The following KIF6 variants were observed in gnomAD, a reference collection of about 807,000 sequenced individuals.
KIF6 encodes the protein kinesin family member 6.
KIF6 carries 106 observed loss-of-function variants against 112.7 expected under a neutral mutation model. The ratio of observed to expected loss-of-function variants is 0.94; its 90% CI spans 0.80 to 1.11. The LOEUF (loss-of-function observed/expected upper bound fraction) is 1.11, where lower values mean the gene tolerates loss of function less well. Ranked by LOEUF, KIF6 falls within the 50% of genes least tolerant of loss-of-function variation. KIF6 has a pLI of 0.00. For missense variants in KIF6, 929 were observed against 964.0 expected, an observed-to-expected ratio of 0.96 and a Z score of 0.48; for synonymous variants, 339 against 339.9, an observed-to-expected ratio of 1.00 and a Z score of 0.03.
chr6:39,641,549 C>T (rs2199172), intron 3 of KIF6, among the ~76,000 whole-genome samples: 47,741 of 151,586 alleles, frequency 0.31, 7,980 homozygotes, highest in South Asian at 0.51. Flanking sequence ...TGTTAAATAA[C>T]GAGTTAATGG....
At position 39,360,542 on chromosome 6, in the gene KIF6, T is replaced by C; in HGVS notation, c.1947-12A>G. On this transcript the variant is annotated splice_polypyrimidine_tract_variant and intron_variant, in intron 17 of 22. Transcript: ENST00000287152. ...ACATTGTTTTATACCTGCGGTGGAA[T>C]CGGGGAAGAGTCAGGGCACTGCTGT... is the stretch of plus-strand genomic sequence containing the variant. 6.2e-7 allele frequency: 1 copy of C among 1,614,152 alleles called. No homozygotes were observed. Among genetic ancestry groups the C allele is most frequent in the Non-Finnish European group, 8.5e-7 (1 of 1,180,008 alleles).
chr6:39,454,672 G>T (rs1055587385), intron 13 of KIF6, among the ~76,000 whole-genome samples: 1 of 152,186 alleles, frequency 6.6e-6, no homozygotes, highest in African/African-American at 2.4e-5. Context: ...CACACCGTGC[G>T]CGAGCCGAAG....
At chr6:39,346,078 CTCTCTCT>C (rs1562112784) in intron 20 of KIF6, among the ~76,000 whole-genome samples, 12 of 21,152 alleles carry the variant, frequency 5.7e-4, no homozygotes, top group Non-Finnish European at 8.5e-4. Flanking sequence ...CTCTCTCTCT[CTCTCTCT>C]CCCCCCCCTC....
intron 14 of KIF6, 53 bp from the exon 15 acceptor site, chr6:39,420,056 T>C: frequency 1.6e-6 from 2 of 1,285,274 alleles, no homozygotes; most frequent in Non-Finnish European, 2.3e-6. Flanking sequence ...CTACAAGATG[T>C]TTTAAAAATA....
intron 13 of KIF6, among the ~76,000 whole-genome samples, chr6:39,499,940 C>G (rs1160979495): frequency 3.9e-5 from 6 of 152,180 alleles, no homozygotes; most frequent in Non-Finnish European, 8.8e-5. Flanking sequence ...AAGCAATGTA[C>G]TGTGGTCCCT....
In KIF6 at chr6:39,633,346, T is replaced by C. The variant is rs139650125; in HGVS notation, c.509+1503A>G. ...CCCTTAAGAGAGGTAACATAATATATAGAAAAAAAAGTACTTGATGAGAAG... is the reference window on the plus strand; with the variant it reads ...CCCTTAAGAGAGGTAACATAATATACAGAAAAAAAAGTACTTGATGAGAAG... On this transcript the variant is annotated intron_variant, in intron 5 of 22. Transcript: ENST00000287152. Among the ~76,000 whole-genome samples the C allele has an allele frequency of 2.6e-3, 399 of 152,096 alleles. 2 individuals are homozygous for C. Among genetic ancestry groups the C allele is most frequent in the African/African-American group, 8.8e-3 (364 of 41,504 alleles).
In KIF6 at chr6:39,331,402, GAGA is replaced by G. The variant is rs1204313091; in HGVS notation, c.*5127_*5129del. On this transcript the variant is annotated 3_prime_UTR_variant, in exon 23 of 23. Transcript: ENST00000287152. ...TGTCCCTCTCTTTTTTTTTTTTTCA[GAGA>G]AGGAGTCTCGCTCTTGTTGCCCAGG... 3 of 146,098 alleles carry G rather than the reference GAGA, an allele frequency of 2.1e-5. No individual in the cohort carries two copies. The highest frequency in any genetic ancestry group is 3.0e-5 in the Non-Finnish European group (2 of 66,886). 9.1% of individuals were successfully genotyped at this position (146,098 alleles called of 1,614,324 possible). A position where few individuals can be genotyped will look rare whatever the true frequency, so the allele number is the denominator to read the frequency against.
At chr6:39,421,222 G>T (rs143528376) in intron 14 of KIF6, among the ~76,000 whole-genome samples, 1 of 152,334 alleles carries the variant, frequency 6.6e-6, no homozygotes, top group Non-Finnish European at 1.5e-5. Context: ...TGTCAGGAAA[G>T]CTTCATGTAC....
At chr6:39,611,006 G>C (rs1394767826) in intron 6 of KIF6, among the ~76,000 whole-genome samples, 2 of 152,150 alleles carry the variant, frequency 1.3e-5, no homozygotes, top group Non-Finnish European at 2.9e-5. Context: ...GTAAGTAATA[G>C]GAAAAGACCT....
At chr6:39,505,946 A>G (rs1323627263) in intron 13 of KIF6, among the ~76,000 whole-genome samples, 1 of 152,230 alleles carries the variant, frequency 6.6e-6, no homozygotes, top group Non-Finnish European at 1.5e-5. Context: ...ACAGTGTAGC[A>G]ATTCCTCAAA....
chr6:39,391,015 T>C (rs1227523224), intron 15 of KIF6, among the ~76,000 whole-genome samples: 2 of 152,174 alleles, frequency 1.3e-5, no homozygotes, highest in Non-Finnish European at 2.9e-5. Context: ...CATATTCATG[T>C]CCCCCTTGCT....
At chr6:39,477,324 A>AT (rs1774487842) in intron 13 of KIF6, among the ~76,000 whole-genome samples, 1 of 152,306 alleles carries the variant, frequency 6.6e-6, no homozygotes, top group Non-Finnish European at 1.5e-5. Flanking sequence ...AAACTTATAA[A>AT]TGCATGCGGA....
At chr6:39,348,334 G>A (rs1052082401) in intron 19 of KIF6, among the ~76,000 whole-genome samples, 3 of 152,156 alleles carry the variant, frequency 2.0e-5, no homozygotes, top group African/African-American at 4.8e-5. Context: ...ATGGGGCAGG[G>A]TAGAAGGGCA....
chr6:39,598,577 A>ATGTGTGTGTGTGTG (rs70984133), intron 6 of KIF6, among the ~76,000 whole-genome samples: 11 of 147,860 alleles, frequency 7.4e-5, no homozygotes, highest in Admixed American at 3.4e-4. Context: ...ATACATATAT[A>ATGTGTGTGTGTGTG]TGTGTGTGTG....
intron 3 of KIF6, among the ~76,000 whole-genome samples, chr6:39,706,017 T>G (rs1471326414): frequency 6.6e-6 from 1 of 152,182 alleles, no homozygotes; most frequent in Non-Finnish European, 1.5e-5. Context: ...CACTGGTTCG[T>G]CTCTTTTATT....
intron 15 of KIF6, among the ~76,000 whole-genome samples, chr6:39,387,664 C>A (rs1478849802): frequency 6.6e-6 from 1 of 152,116 alleles, no homozygotes. Context: ...ACACCTGAGC[C>A]AGCCACAGCC....
chr6:39,385,157 C>T (rs1015961508), intron 16 of KIF6, among the ~76,000 whole-genome samples: 1 of 152,236 alleles, frequency 6.6e-6, no homozygotes, highest in Non-Finnish European at 1.5e-5. Flanking sequence ...TCTCCCCCAT[C>T]TGGTAAATGC....
chr6:39,696,253 C>A (rs1354729549), intron 3 of KIF6, among the ~76,000 whole-genome samples: 1 of 152,126 alleles, frequency 6.6e-6, no homozygotes, highest in East Asian at 1.9e-4. Flanking sequence ...ACGTAATATA[C>A]CCATGTTATA....
intron 13 of KIF6, among the ~76,000 whole-genome samples, chr6:39,437,991 T>G (rs1363005925): frequency 6.6e-6 from 1 of 152,194 alleles, no homozygotes. Flanking sequence ...ATTTATTTAT[T>G]TTTGAGACAG....
Sources: gnomAD v4.1 joint callset for allele counts (sites outside exome capture counted in the v4.1 genomes callset) on GRCh38, gnomAD v4.1.1 for gene constraint, MANE v1.5 for transcripts, NCBI Gene and HGNC (gene_info 2026-07-23, HGNC 2026-07-21) for gene names.